IL7: variants seen among roughly 807,000 people sequenced by gnomAD.
IL7 encodes interleukin-7.
A neutral mutation model predicts 21.6 loss-of-function variants in IL7; 3 were observed. That is an observed-to-expected ratio of 0.14 (90% confidence interval 0.06 to 0.36). The LOEUF is 0.36. Among genes scored for constraint, IL7 ranks in the 10% least tolerant of loss-of-function variants. IL7 has a pLI of 1.00. For missense variants in IL7, 175 were observed against 200.2 expected (o/e 0.87, Z 0.76); for synonymous variants, 62 against 68.1 (o/e 0.91, Z 0.44).
chr8:78,793,615 T>C lies in IL7; in HGVS notation c.147+4457A>G, dbSNP rs973679138. 2.0e-5 allele frequency among the ~76,000 whole-genome samples: 3 copies of C among 152,134 alleles called. No individual in the cohort carries two copies. The East Asian group carries it at 5.8e-4, about 29-fold the overall frequency. ...CTGGTGGAGGGCCTTGCTTCAACGTTAGTGGATGCTGACTGATCAGAGTGG... is the reference window on the plus strand; with the variant it reads ...CTGGTGGAGGGCCTTGCTTCAACGTCAGTGGATGCTGACTGATCAGAGTGG... On this transcript the variant is annotated intron_variant, in intron 2 of 5. Transcript: ENST00000263851.
chr8:78,804,628 G>A (rs969841892), intron 1 of IL7, among the ~76,000 whole-genome samples: 2 of 152,222 alleles, frequency 1.3e-5, no homozygotes, highest in African/African-American at 4.8e-5. Context: ...ACCGCTGAGC[G>A]GCGCGGAGGC....
At chr8:78,688,858 CCTAA>C (rs1354969477) in intron 3 of IL7, among the ~76,000 whole-genome samples, 1 of 151,986 alleles carries the variant, frequency 6.6e-6, no homozygotes, top group Non-Finnish European at 1.5e-5. Flanking sequence ...ATTATTACTT[CCTAA>C]CTAGTCTGCT....
rs142995167 is a variant in IL7, at chr8:78,689,911, G to A, written n.215-3964C>T. ...AGGATTGCAAAGATTTTTCTCCCATGTCTTCTATAAGTTTTATGCTTTTAG... is the reference window on the plus strand; with the variant it reads ...AGGATTGCAAAGATTTTTCTCCCATATCTTCTATAAGTTTTATGCTTTTAG... On this transcript the variant is annotated intron_variant and non_coding_transcript_variant, in intron 3 of 4. Coordinates refer to the IL7 transcript ENST00000523959. Among the ~76,000 whole-genome samples, 899 of 152,072 alleles carry A rather than the reference G, an allele frequency of 5.9e-3. 9 individuals carry two copies. The highest frequency in any genetic ancestry group is 0.02 in the African/African-American group (843 of 41,490).
At chr8:78,773,385 G>A (rs1056301243) in intron 2 of IL7, among the ~76,000 whole-genome samples, 5 of 152,086 alleles carry the variant, frequency 3.3e-5, no homozygotes, top group African/African-American at 7.2e-5. Context: ...CATAACGAAC[G>A]GTATTGAACA....
Position 78,762,358 on chromosome 8 carries a change from GCTGAAGAAGGC to G in IL7, c.148-22287_148-22277del, listed in dbSNP as rs1167750069. 2.5e-6 allele frequency: 4 copies of G among 1,612,558 alleles called. No individual in the cohort carries two copies. In the African/African-American group the frequency reaches 5.3e-5, roughly 22 times the overall value. ...GGCATCTGGCAGGGTCCCGCGGGAA[GCTGAAGAAGGC>G]CAAGTCAAGTCGGACTGCGTGCTCT... On this transcript the variant is annotated intron_variant, in intron 2 of 5. Coordinates refer to ENST00000263851, the MANE Select transcript of IL7 (RefSeq NM_000880.4).
chr8:78,682,195 A>C (rs569662973), intron 4 of IL7, among the ~76,000 whole-genome samples: 2 of 152,294 alleles, frequency 1.3e-5, no homozygotes, highest in South Asian at 4.1e-4. Context: ...AGTGGAGGAC[A>C]CTAGAGGCAG....
chr8:78,800,530 G>T (rs1284416301), intron 1 of IL7, among the ~76,000 whole-genome samples: 5 of 152,112 alleles, frequency 3.3e-5, no homozygotes, highest in African/African-American at 1.2e-4. Flanking sequence ...GAACTCCTGG[G>T]CTCAAGCAAT....
At chr8:78,758,265 A>G (rs958585231) in intron 2 of IL7, among the ~76,000 whole-genome samples, 1 of 152,096 alleles carries the variant, frequency 6.6e-6, no homozygotes, top group Non-Finnish European at 1.5e-5. Flanking sequence ...TTTACATTCA[A>G]TGTTGTTAAT....
intron 2 of IL7, among the ~76,000 whole-genome samples, chr8:78,749,037 T>G (rs1563419275): frequency 6.6e-6 from 1 of 152,198 alleles, no homozygotes; most frequent in Non-Finnish European, 1.5e-5. Context: ...ATGTAGACAC[T>G]TGAACACACT....
chr8:78,687,874 A>AATT (rs1810070072), intron 3 of IL7, among the ~76,000 whole-genome samples: 3 of 133,484 alleles, frequency 2.2e-5, no homozygotes, highest in East Asian at 2.1e-4. Flanking sequence ...CTATATAATA[A>AATT]ATATATATTT....
intron 2 of IL7, among the ~76,000 whole-genome samples, chr8:78,794,021 T>G (rs1225359819): frequency 6.6e-6 from 1 of 152,162 alleles, no homozygotes; most frequent in Non-Finnish European, 1.5e-5. Context: ...CACTTCTAAT[T>G]CTAATTCTCT....
At chr8:78,728,329 T>A (rs576271160), downstream of IL7, among the ~76,000 whole-genome samples, 1 of 151,954 alleles carries the variant, frequency 6.6e-6, no homozygotes, top group East Asian at 1.9e-4. Flanking sequence ...AAAACAACTT[T>A]GAAAAATAAA....
At chr8:78,714,255 C>G (rs1460477424), downstream of IL7, among the ~76,000 whole-genome samples, 1 of 151,990 alleles carries the variant, frequency 6.6e-6, no homozygotes, top group Admixed American at 6.6e-5. Context: ...CCTCATTTGT[C>G]TTATCTGTAA....
intron 2 of IL7, among the ~76,000 whole-genome samples, chr8:78,785,070 T>C (rs1481622075): frequency 6.6e-6 from 1 of 152,254 alleles, no homozygotes; most frequent in East Asian, 1.9e-4. Flanking sequence ...CTGAAGCCAC[T>C]CTGATTCTCC....
chr8:78,779,615 G>T lies in IL7; in HGVS notation c.147+18457C>A, dbSNP rs368158978. On this transcript the variant is annotated intron_variant, in intron 2 of 5. Transcript: ENST00000263851. Reference sequence around the variant, plus strand: ...CTTGATCATGGTGGATAAGCTTTTCGATGTGCTCCTGGATTTGGTTTGGCA... The same window carrying T: ...CTTGATCATGGTGGATAAGCTTTTCTATGTGCTCCTGGATTTGGTTTGGCA... Among the ~76,000 whole-genome samples the T allele has an allele frequency of 2.6e-5, 4 of 152,178 alleles. No individual in the cohort carries two copies. In the South Asian group the frequency reaches 6.2e-4, roughly 24 times the overall value.
intron 2 of IL7, among the ~76,000 whole-genome samples, chr8:78,742,236 A>G (rs1811810745): frequency 6.6e-6 from 1 of 152,086 alleles, no homozygotes; most frequent in Non-Finnish European, 1.5e-5. Flanking sequence ...AGGCAGGAGA[A>G]TCGCTTGAAC....
intron 3 of IL7, chr8:78,689,145 G>T (rs938859960): frequency 3.6e-6 from 4 of 1,112,404 alleles, no homozygotes; most frequent in South Asian, 3.2e-5. Context: ...TTGAATGACT[G>T]CATAGAAACT....
chr8:78,767,168 T>G (rs1812781168), intron 2 of IL7, among the ~76,000 whole-genome samples: 1 of 152,056 alleles, frequency 6.6e-6, no homozygotes. Flanking sequence ...AAAAAAATTT[T>G]TGATATTTTA....
At chr8:78,700,719 T>C (rs1298826945) in intron 3 of IL7, among the ~76,000 whole-genome samples, 1 of 152,214 alleles carries the variant, frequency 6.6e-6, no homozygotes, top group Non-Finnish European at 1.5e-5. Context: ...GTCTTCTGCA[T>C]ATTGCTAGCC....
Sources: gnomAD v4.1 joint callset for allele counts (sites outside exome capture counted in the v4.1 genomes callset) on GRCh38, gnomAD v4.1.1 for gene constraint, MANE v1.5 for transcripts, NCBI Gene and HGNC (gene_info 2026-07-23, HGNC 2026-07-21) for gene names.